POLR3E: variants seen among roughly 807,000 people sequenced by gnomAD.
The protein encoded by POLR3E is DNA-directed RNA polymerase III subunit RPC5.
A neutral mutation model predicts 96.6 loss-of-function variants in POLR3E; 41 were observed. That is an observed-to-expected ratio of 0.42 (90% confidence interval 0.33 to 0.55). The LOEUF is 0.55. Among genes scored for constraint, POLR3E ranks in the 20% least tolerant of loss-of-function variants. The pLI, the probability that POLR3E is intolerant of heterozygous loss-of-function variation, is 0.06. For synonymous variants in POLR3E, 396 were observed against 383.6 expected, an observed-to-expected ratio of 1.03 and a Z score of -0.38; for missense variants, 849 against 952.1, an observed-to-expected ratio of 0.89 and a Z score of 1.43.
rs1486378205 is a variant in POLR3E, at chr16:22,325,961, G to C, written c.1549G>C (p.Glu517Gln). ...EEDEEQEAEE[E>Q]PMDTSPSGLH... ...GGACGAGGAGCAGGAGGCGGAGGAG[G>C]AGCCCATGGACACTTCCCCCAGCGG... The change falls in exon 18 of 21, where the codon GAG (glutamate) becomes CAG (glutamine). Residue 517 changes from glutamate to glutamine, a missense_variant. Physicochemically the swap from Glu to Gln is conservative, Grantham distance 29. Coordinates refer to ENST00000299853, the MANE Select transcript of POLR3E (RefSeq NM_018119.4). 1.3e-6 allele frequency: 2 copies of C among 1,592,056 alleles called. No homozygotes were observed.
At chr16:22,333,068 A>G (rs979489239) in intron 20 of POLR3E, among the ~76,000 whole-genome samples, 2 of 136,322 alleles carry the variant, frequency 1.5e-5, no homozygotes, top group African/African-American at 5.5e-5. Context: ...TCTACCTCCC[A>G]GTTTCAAGCA....
chr16:22,305,809 G>A (rs117108870), intron 3 of POLR3E, among the ~76,000 whole-genome samples: 27 of 152,320 alleles, frequency 1.8e-4, no homozygotes, highest in Non-Finnish European at 2.6e-4. Context: ...AGCATTGACC[G>A]TATGCAGACT....
intron 8 of POLR3E, chr16:22,314,773 C>T (rs1045159418): frequency 5.4e-5 from 12 of 220,206 alleles, no homozygotes; most frequent in Non-Finnish European, 8.2e-5. Flanking sequence ...AACTCCCTTC[C>T]GCTCTGGGGA....
chr16:22,330,058 GTTTTTTTTTT>G (rs201506303), intron 19 of POLR3E, among the ~76,000 whole-genome samples: 2 of 142,728 alleles, frequency 1.4e-5, no homozygotes, highest in Admixed American at 1.4e-4. Flanking sequence ...TGTTACGCCA[GTTTTTTTTTT>G]TTTTTTGAGA....
In POLR3E at chr16:22,325,370, G is replaced by A. The variant is rs1218792803; in HGVS notation, c.1348+104G>A. On this transcript the variant is annotated intron_variant, in intron 17 of 20. Coordinates refer to ENST00000299853, the MANE Select transcript of POLR3E (RefSeq NM_018119.4). ...AGGCCCGGACCTGGAGAGGGTGGAG[G>A]GCTCTCACCGTTCACCCTTCACCCT... 1.3e-5 allele frequency: 12 copies of A among 923,536 alleles called. No individual in the cohort carries two copies. The East Asian group carries it at 1.9e-4, about 15-fold the overall frequency. The allele number at this position is 923,536 out of a possible 1,614,324, so 57.2% of individuals were successfully genotyped here.
Position 22,333,768 on chromosome 16 carries a change from C to A in POLR3E, c.*68C>A. The A allele has an allele frequency of 2.8e-6, 3 of 1,063,208 alleles. No individual in the cohort carries two copies. The highest frequency in any genetic ancestry group is 4.4e-6 in the Non-Finnish European group (3 of 677,726). 65.9% of individuals were successfully genotyped at this position (1,063,208 alleles called of 1,614,324 possible). A position where few individuals can be genotyped will look rare whatever the true frequency, so the allele number is the denominator to read the frequency against. On this transcript the variant is annotated 3_prime_UTR_variant, in exon 21 of 21. Transcript: ENST00000299853. ...AAGAAGGGCGGAACCAGAAGTAGGG[C>A]CTCGACTTGCTTCAGACGACACAGA...
rs1167772983 is a variant in POLR3E at position 22,313,605 on chromosome 16, T to C, written c.365-15T>C. 3 of 1,592,448 alleles carry C rather than the reference T, an allele frequency of 1.9e-6. No homozygotes were observed. Among genetic ancestry groups the C allele is most frequent in the Admixed American group, 3.3e-5 (2 of 59,928 alleles). On this transcript the variant is annotated splice_polypyrimidine_tract_variant and intron_variant, in intron 6 of 20. Coordinates refer to ENST00000299853, the MANE Select transcript of POLR3E (RefSeq NM_018119.4). This position sits in a 1 kb window ranked among gnomAD's most constrained non-coding sequence, Gnocchi z 4.1. ...GGTTTCTAGAGTTGAGTCCAAGCCC[T>C]TCTTCCTCCGCCAGGTGAGCTCCAC...
At chr16:22,329,599 G>T (rs2048693793) in intron 19 of POLR3E, among the ~76,000 whole-genome samples, 1 of 152,146 alleles carries the variant, frequency 6.6e-6, no homozygotes, top group Admixed American at 6.5e-5. Context: ...GATCTAAGGG[G>T]CTGGGGCCTT....
chr16:22,331,919 A>T, intron 19 of POLR3E, 141 bp from the exon 20 acceptor site: 1 of 771,836 alleles, frequency 1.3e-6, no homozygotes. Flanking sequence ...GACTTGGCTC[A>T]TCTTTAACCA....
At chr16:22,320,953 T>G (rs936465256) in intron 13 of POLR3E, among the ~76,000 whole-genome samples, 1 of 152,234 alleles carries the variant, frequency 6.6e-6, no homozygotes, top group African/African-American at 2.4e-5. Context: ...GGAGTTTCTC[T>G]GTTTTTGGTT....
chr16:22,320,085 A>G (rs375047946), intron 13 of POLR3E, among the ~76,000 whole-genome samples: 21 of 152,132 alleles, frequency 1.4e-4, no homozygotes, highest in African/African-American at 4.6e-4. Context: ...TTTAATGTTA[A>G]TTGCTGCTTT....
At chr16:22,305,406 G>A in intron 3 of POLR3E, 200 bp downstream of exon 3, 1 of 698,746 alleles carries the variant, frequency 1.4e-6, no homozygotes, top group South Asian at 1.5e-5. Flanking sequence ...ACACAGGAGA[G>A]GCAGAAGTGT....
At chr16:22,300,473 G>A (rs1172177650) in intron 1 of POLR3E, among the ~76,000 whole-genome samples, 1 of 152,224 alleles carries the variant, frequency 6.6e-6, no homozygotes, top group Admixed American at 6.5e-5. Context: ...GCAGGGCAGA[G>A]GCCAACAGGG....
At chr16:22,302,888 G>T in intron 1 of POLR3E, 43 bp from the exon 2 acceptor site, 1 of 1,328,548 alleles carries the variant, frequency 7.5e-7, no homozygotes, top group Non-Finnish European at 1.1e-6. Context: ...AGGAAATGTT[G>T]GTTGAACGAC....
At chr16:22,301,685 G>A (rs976917426) in intron 1 of POLR3E, among the ~76,000 whole-genome samples, 1 of 152,166 alleles carries the variant, frequency 6.6e-6, no homozygotes, top group African/African-American at 2.4e-5. Context: ...CAGCACTTTG[G>A]GAAACCAAGG....
chr16:22,309,032 G>A lies in POLR3E; in HGVS notation c.273G>A (p.Thr91=), dbSNP rs774693832. ...VDGACADETS[T]YSSKLMDKQT... ...GGGCCTGCGCCGACGAGACCAGCAC[G>A]TATTCCTCGTGAGTTTCCGGCCCCA... Residue 91 remains threonine (T), a synonymous_variant, in exon 5 of 21, where the codon ACG becomes ACA. Coordinates refer to ENST00000299853, the MANE Select transcript of POLR3E (RefSeq NM_018119.4). The A allele has an allele frequency of 1.9e-6, 3 of 1,609,814 alleles. No individual in the cohort carries two copies. The highest frequency in any genetic ancestry group is 2.2e-5 in the South Asian group (2 of 90,940).
chr16:22,326,313 G>T (rs1441730161), intron 18 of POLR3E, 35 bp downstream of exon 18: 3 of 464,010 alleles, frequency 6.5e-6, no homozygotes, highest in Admixed American at 2.5e-5. Flanking sequence ...GGCATGGGGG[G>T]TGGGGGGTGG....
chr16:22,307,971 C>T (rs1016859008), intron 3 of POLR3E, among the ~76,000 whole-genome samples, 177 bp from the exon 4 acceptor site: 4 of 152,080 alleles, frequency 2.6e-5, no homozygotes, highest in South Asian at 2.1e-4. Context: ...AATAGGGCTG[C>T]GGGTGGAGAC....
chr16:22,309,605 G>A, intron 6 of POLR3E, 95 bp downstream of exon 6: 2 of 886,406 alleles, frequency 2.3e-6, no homozygotes, highest in Non-Finnish European at 3.8e-6. Flanking sequence ...TCTCCCACCT[G>A]CCCTGAAAGC....
Sources: allele counts gnomAD v4.1 joint callset (sites outside exome capture counted in the v4.1 genomes callset), GRCh38; gene constraint gnomAD v4.1.1; non-coding constraint Gnocchi (gnomAD v3.1); transcripts MANE v1.5; gene names NCBI Gene and HGNC (gene_info 2026-07-23, HGNC 2026-07-21).